The following CDH13 variants were observed in gnomAD, a reference collection of about 807,000 sequenced individuals.
The protein encoded by CDH13 is cadherin-13.
A neutral mutation model predicts 63.8 loss-of-function variants in CDH13; 24 were observed. The observed-to-expected ratio is 0.38, with a 90% CI of 0.27 to 0.53. The LOEUF is 0.53. Among genes scored for constraint, CDH13 ranks in the 20% least tolerant of loss-of-function variants. The probability of loss-of-function intolerance (pLI) is 0.85; values close to 1 mark genes in which losing one functional copy is unlikely to be tolerated. For missense variants in CDH13, 1,049 were observed against 903.1 expected (o/e 1.16, Z -2.07); for synonymous variants, 503 against 355.3 (o/e 1.42, Z -4.67).
chr16:82,835,269 G>T (rs530118105), intron 1 of CDH13, among the ~76,000 whole-genome samples: 2 of 152,340 alleles, frequency 1.3e-5, no homozygotes, highest in South Asian at 2.1e-4. Context: ...ACCGGTGGCT[G>T]CCGCATTGGA....
intron 1 of CDH13, among the ~76,000 whole-genome samples, chr16:82,755,904 A>G (rs375595766): frequency 2.0e-5 from 3 of 152,222 alleles, no homozygotes; most frequent in South Asian, 4.1e-4. Flanking sequence ...GAAGAGAGTG[A>G]TATAAATTAT....
intron 6 of CDH13, among the ~76,000 whole-genome samples, chr16:83,485,570 G>GGGAATGA (rs2073867692): frequency 6.6e-6 from 1 of 152,062 alleles, no homozygotes; most frequent in South Asian, 2.1e-4. Context: ...CCCTTTAACT[G>GGGAATGA]GAATGCCTTT....
chr16:83,196,164 G>A (rs2151760795), intron 4 of CDH13, among the ~76,000 whole-genome samples: 1 of 152,252 alleles, frequency 6.6e-6, no homozygotes, highest in African/African-American at 2.4e-5. Context: ...GCTGAAGCAG[G>A]AGAATCACTT....
chr16:82,859,280 G>C (rs890981435), intron 2 of CDH13: 1 of 152,196 alleles, frequency 6.6e-6, no homozygotes. Flanking sequence ...AGATGCAGTC[G>C]GGTGTGATGG....
chr16:83,273,671 A>C (rs546621378), intron 5 of CDH13, among the ~76,000 whole-genome samples: 1 of 152,334 alleles, frequency 6.6e-6, no homozygotes, highest in South Asian at 2.1e-4. Context: ...GGTACATAAA[A>C]GTGAAGACAG....
chr16:83,566,237 C>T (rs1904279457), intron 7 of CDH13, among the ~76,000 whole-genome samples: 2 of 151,986 alleles, frequency 1.3e-5, no homozygotes, highest in African/African-American at 4.8e-5. Flanking sequence ...GAAGGGTTGG[C>T]ATCGTTCCCC....
At chr16:83,558,552 A>C (rs2075645042) in intron 7 of CDH13, among the ~76,000 whole-genome samples, 2 of 152,330 alleles carry the variant, frequency 1.3e-5, no homozygotes, top group Non-Finnish European at 1.5e-5. Context: ...TGGGCACCTT[A>C]AATAATTTAT....
chr16:83,708,239 C>G (rs1398604496), intron 10 of CDH13, among the ~76,000 whole-genome samples: 1 of 152,334 alleles, frequency 6.6e-6, no homozygotes, highest in African/African-American at 2.4e-5. Context: ...GCACAAGCTC[C>G]TCTCAAATAC....
At chr16:83,126,295 A>C (rs1003917583) in intron 4 of CDH13, among the ~76,000 whole-genome samples, 1 of 152,216 alleles carries the variant, frequency 6.6e-6, no homozygotes, top group Non-Finnish European at 1.5e-5. Context: ...TCACGTGGTT[A>C]GTCCCTGCTT....
At chr16:83,090,488 C>T (rs1049376372) in intron 3 of CDH13, among the ~76,000 whole-genome samples, 4 of 151,302 alleles carry the variant, frequency 2.6e-5, no homozygotes, top group Non-Finnish European at 5.9e-5. Context: ...GCGGGAGAAT[C>T]GCTTGAACCC....
chr16:83,261,869 C>T lies in CDH13; in HGVS notation c.636+44372C>T, dbSNP rs549413646. 3.9e-5 allele frequency among the ~76,000 whole-genome samples: 6 copies of T among 152,232 alleles called. No homozygotes were observed. The East Asian group carries it at 1.2e-3, about 29-fold the overall frequency. Reference sequence around the variant, plus strand: ...GTGCCTGCCTGCCAAGGAACAGAGGCAGTGGGAGGAGTCACTCAAAGAGTC... The same window carrying T: ...GTGCCTGCCTGCCAAGGAACAGAGGTAGTGGGAGGAGTCACTCAAAGAGTC... On this transcript the variant is annotated intron_variant, in intron 5 of 13. Transcript: ENST00000567109.
At chr16:83,647,374 G>T (rs1468604960) in intron 8 of CDH13, among the ~76,000 whole-genome samples, 1 of 151,378 alleles carries the variant, frequency 6.6e-6, no homozygotes, top group Admixed American at 6.6e-5. Context: ...AGGAAGTACC[G>T]TGTTGCTCAC....
intron 2 of CDH13, chr16:83,023,017 TAGGAA>T (rs966220498): frequency 6.6e-6 from 1 of 152,192 alleles, no homozygotes; most frequent in African/African-American, 2.4e-5. Context: ...TTTTAGATGG[TAGGAA>T]ATCTATGCCT....
chr16:82,905,204 C>T (rs768044530), intron 2 of CDH13, among the ~76,000 whole-genome samples: 5 of 152,112 alleles, frequency 3.3e-5, no homozygotes, highest in Non-Finnish European at 5.9e-5. Context: ...TTGAGAATCG[C>T]GATTATATGG....
chr16:83,196,743 G>A (rs201928569), intron 4 of CDH13, among the ~76,000 whole-genome samples: 5 of 152,162 alleles, frequency 3.3e-5, no homozygotes, highest in South Asian at 2.1e-4. Context: ...ACAGACTACC[G>A]GTACACACCT....
intron 2 of CDH13, among the ~76,000 whole-genome samples, chr16:82,978,341 G>A (rs1240933919): frequency 6.6e-6 from 1 of 152,238 alleles, no homozygotes; most frequent in Non-Finnish European, 1.5e-5. Context: ...ATTTGCATCA[G>A]TAATGAGGAG....
chr16:82,639,384 A>G (rs750845699), intron 1 of CDH13: 4 of 1,535,590 alleles, frequency 2.6e-6, no homozygotes, highest in Non-Finnish European at 1.7e-6. Flanking sequence ...CCTGCACTGC[A>G]TGGTTCCCCC....
intron 4 of CDH13, among the ~76,000 whole-genome samples, chr16:83,180,415 A>C (rs1192854314): frequency 6.6e-6 from 1 of 152,166 alleles, no homozygotes; most frequent in African/African-American, 2.4e-5. Context: ...GATTATCATA[A>C]TCTATGTTTT....
chr16:83,344,688 C>G (rs1044085676), intron 5 of CDH13, among the ~76,000 whole-genome samples, 174 bp from the exon 6 acceptor site: 5 of 152,178 alleles, frequency 3.3e-5, no homozygotes, highest in Non-Finnish European at 4.4e-5. Context: ...GCCTTTTATT[C>G]TGGAATGTTC....
Sources: allele counts gnomAD v4.1 joint callset (sites outside exome capture counted in the v4.1 genomes callset), GRCh38; gene constraint gnomAD v4.1.1; transcripts MANE v1.5; gene names NCBI Gene and HGNC (gene_info 2026-07-23, HGNC 2026-07-21).